The following SNRPN variants were observed in gnomAD, a reference collection of about 807,000 sequenced individuals.
The protein encoded by SNRPN is small nuclear ribonucleoprotein-associated protein N.
SNRPN carries 7 observed loss-of-function variants against 25.2 expected under a neutral mutation model. The ratio of observed to expected loss-of-function variants is 0.28; its 90% CI spans 0.16 to 0.52. The LOEUF (loss-of-function observed/expected upper bound fraction) is 0.52, where lower values mean the gene tolerates loss of function less well. Ranked by LOEUF, SNRPN falls within the 20% of genes least tolerant of loss-of-function variation. The pLI, the probability that SNRPN is intolerant of heterozygous loss-of-function variation, is 0.96. For synonymous variants in SNRPN, 124 were observed against 110.6 expected (o/e 1.12, Z -0.76); for missense variants, 196 against 322.5 (o/e 0.61, Z 3.00).
intron 2 of SNRPN, among the ~76,000 whole-genome samples, chr15:24,899,505 A>C (rs543989887): frequency 6.6e-6 from 1 of 152,184 alleles, no homozygotes. Flanking sequence ...GCCGTTTCCC[A>C]TAGCATGCAT....
At chr15:24,972,627 C>G (rs1034746296) in intron 3 of SNRPN, among the ~76,000 whole-genome samples, 1 of 144,708 alleles carries the variant, frequency 6.9e-6, no homozygotes, top group South Asian at 2.4e-4. Flanking sequence ...CAAAAAGATA[C>G]TTTTGAATCC....
At chr15:24,896,690 G>A (rs1028384967) in intron 2 of SNRPN, among the ~76,000 whole-genome samples, 1 of 151,568 alleles carries the variant, frequency 6.6e-6, no homozygotes, top group Non-Finnish European at 1.5e-5. Flanking sequence ...CTCCAGCCTG[G>A]GCAACAGAGC....
intron 2 of SNRPN, among the ~76,000 whole-genome samples, chr15:24,905,433 CG>C (rs1221988801): frequency 1.3e-5 from 2 of 150,590 alleles, no homozygotes; most frequent in African/African-American, 4.9e-5. Flanking sequence ...CGCTTGAACC[CG>C]GGAGGCGGAG....
chr15:24,900,194 G>A (rs1298030859), intron 2 of SNRPN, among the ~76,000 whole-genome samples: 1 of 152,162 alleles, frequency 6.6e-6, no homozygotes, highest in Non-Finnish European at 1.5e-5. Context: ...GTCCTTGAGT[G>A]ATTACGAACA....
chr15:24,977,400 A>G (rs2077186225), intron 7 of SNRPN, among the ~76,000 whole-genome samples: 1 of 146,058 alleles, frequency 6.8e-6, no homozygotes, highest in East Asian at 1.9e-4. Flanking sequence ...GCACTTTGGG[A>G]GGCCGAGGTG....
At chr15:24,961,274 T>C (rs1236606196) in intron 1 of SNRPN, among the ~76,000 whole-genome samples, 1 of 152,224 alleles carries the variant, frequency 6.6e-6, no homozygotes, top group Non-Finnish European at 1.5e-5. Context: ...ATTGGTAAGC[T>C]ATTTTACCAA....
chr15:24,857,891 G>A (rs913922389), intron 1 of SNRPN, among the ~76,000 whole-genome samples: 17 of 152,162 alleles, frequency 1.1e-4, no homozygotes, highest in African/African-American at 4.1e-4. Context: ...TGGGTAGGGG[G>A]TCGGAAAGTG....
At chr15:24,962,713 C>T (rs1335245883) in intron 2 of SNRPN, among the ~76,000 whole-genome samples, 6 of 152,088 alleles carry the variant, frequency 3.9e-5, no homozygotes, top group Admixed American at 1.3e-4. Context: ...CACTCAGACA[C>T]ATATTTTAAT....
At chr15:24,832,718 C>T (rs550685430) in intron 2 of SNRPN, among the ~76,000 whole-genome samples, 1 of 152,062 alleles carries the variant, frequency 6.6e-6, no homozygotes, top group South Asian at 2.1e-4. Flanking sequence ...ACTAAGAGTC[C>T]AAGGTCAGTT....
At chr15:24,825,548 A>G (rs1266372493) in intron 1 of SNRPN, among the ~76,000 whole-genome samples, 1 of 152,088 alleles carries the variant, frequency 6.6e-6, no homozygotes, top group Non-Finnish European at 1.5e-5. Context: ...CATATTGAAA[A>G]TGGTTTCATA....
chr15:24,908,207 T>C (rs1027946250), intron 2 of SNRPN, among the ~76,000 whole-genome samples: 2 of 152,162 alleles, frequency 1.3e-5, no homozygotes, highest in Non-Finnish European at 2.9e-5. Context: ...ATAGATTTCC[T>C]AGGCTCAGTT....
chr15:24,955,074 C>T lies in SNRPN; in HGVS notation c.-391+12C>T, dbSNP rs375682956. 3.1e-6 allele frequency: 5 copies of T among 1,613,536 alleles called. No individual in the cohort carries two copies. Among genetic ancestry groups the T allele is most frequent in the Non-Finnish European group, 4.2e-6 (5 of 1,180,018 alleles). ...ATGGAGCGGGCAAGGTCAGCTGTGC[C>T]GGTGGCTTCTCTCAAGAGACAGCCT... On this transcript the variant is annotated intron_variant, in intron 1 of 9. Transcript: ENST00000390687.
At chr15:24,921,734 T>C (rs2060032048) in intron 3 of SNRPN, among the ~76,000 whole-genome samples, 1 of 152,142 alleles carries the variant, frequency 6.6e-6, no homozygotes. Flanking sequence ...TCAGGCCAAC[T>C]CACTTGGCCT....
At chr15:24,878,635 CTTG>C (rs1223282050) in intron 1 of SNRPN, among the ~76,000 whole-genome samples, 1 of 152,134 alleles carries the variant, frequency 6.6e-6, no homozygotes, top group Non-Finnish European at 1.5e-5. Flanking sequence ...CTTGAGTTTG[CTTG>C]TTGTTTTCCC....
chr15:24,885,973 T>C (rs2057172583), intron 1 of SNRPN, among the ~76,000 whole-genome samples: 1 of 152,192 alleles, frequency 6.6e-6, no homozygotes, highest in African/African-American at 2.4e-5. Flanking sequence ...CTGGTTTCTG[T>C]TTCTGCATTC....
At chr15:24,882,174 G>C in intron 1 of SNRPN, among the ~76,000 whole-genome samples, 1 of 151,918 alleles carries the variant, frequency 6.6e-6, no homozygotes. Context: ...TACAAAAGTC[G>C]GTTCATTTGT....
intron 1 of SNRPN, among the ~76,000 whole-genome samples, chr15:24,828,702 G>A (rs35701003): frequency 0.11 from 16,404 of 152,138 alleles, 1,080 homozygotes; most frequent in South Asian, 0.24. Context: ...TGCAGCCTGA[G>A]AAATATAGCT....
upstream of SNRPN, among the ~76,000 whole-genome samples, chr15:24,952,880 A>G (rs1191247532): frequency 2.0e-5 from 3 of 152,178 alleles, no homozygotes; most frequent in East Asian, 5.8e-4. Flanking sequence ...TGTTTGTGGC[A>G]TGTAAGTTTG....
intron 3 of SNRPN, among the ~76,000 whole-genome samples, chr15:24,931,370 G>T (rs12591149): frequency 3.3e-5 from 5 of 152,078 alleles, no homozygotes; most frequent in South Asian, 2.1e-4. Flanking sequence ...TATTGTAATC[G>T]TGAAGAAAGT....
Sources: gnomAD v4.1 joint callset for allele counts (sites outside exome capture counted in the v4.1 genomes callset) on GRCh38, gnomAD v4.1.1 for gene constraint, MANE v1.5 for transcripts, NCBI Gene and HGNC (gene_info 2026-07-23, HGNC 2026-07-21) for gene names.